Variants in SLC24A2 observed in about 807,000 individuals in gnomAD.
SLC24A2 encodes the protein solute carrier family 24 member 2.
Under a neutral mutation model 62.0 loss-of-function variants are expected in SLC24A2, and 36 were observed. The observed-to-expected ratio is 0.58, with a 90% CI of 0.44 to 0.77. The LOEUF (loss-of-function observed/expected upper bound fraction) is 0.77. Ranked by LOEUF, SLC24A2 falls within the 30% of genes least tolerant of loss-of-function variation. SLC24A2 has a pLI of 0.00. For synonymous variants in SLC24A2, 358 were observed against 294.0 expected (o/e 1.22, Z -2.23); for missense variants, 846 against 817.9 (o/e 1.03, Z -0.42).
intron 2 of SLC24A2, among the ~76,000 whole-genome samples, chr9:19,736,856 G>C (rs558834604): frequency 2.6e-5 from 4 of 151,998 alleles, no homozygotes; most frequent in African/African-American, 4.8e-5. Flanking sequence ...TGTCTTAAAA[G>C]AAATAATCTT....
chr9:20,034,444 CTTTTAAG>C, the SLC24A2 span, among the ~76,000 whole-genome samples: 1 of 144,550 alleles, frequency 6.9e-6, no homozygotes, highest in South Asian at 2.2e-4. Context: ...ACACTCTGGC[CTTTTAAG>C]TTTTTTTTTT....
chr9:20,297,872 A>G, the SLC24A2 span, among the ~76,000 whole-genome samples: 10 of 152,254 alleles, frequency 6.6e-5, no homozygotes, highest in South Asian at 1.2e-3. Flanking sequence ...CATCTCCCCA[A>G]CTTTGGCAAA....
At chr9:20,118,498 G>A in the SLC24A2 span, among the ~76,000 whole-genome samples, 1 of 152,036 alleles carries the variant, frequency 6.6e-6, no homozygotes, top group South Asian at 2.1e-4. Context: ...GGACATTGTG[G>A]ATTCACTTCT....
chr9:20,031,748 C>A, the SLC24A2 span, among the ~76,000 whole-genome samples: 1 of 152,088 alleles, frequency 6.6e-6, no homozygotes, highest in African/African-American at 2.4e-5. Flanking sequence ...GCTGGTCAGC[C>A]CCAATCCTGA....
the SLC24A2 span, among the ~76,000 whole-genome samples, chr9:20,066,466 A>G: frequency 6.6e-6 from 1 of 152,206 alleles, no homozygotes; most frequent in Non-Finnish European, 1.5e-5. Flanking sequence ...CATCTTCTGA[A>G]TTATTCAACT....
At chr9:19,993,928 G>A in the SLC24A2 span, among the ~76,000 whole-genome samples, 1 of 152,186 alleles carries the variant, frequency 6.6e-6, no homozygotes, top group Non-Finnish European at 1.5e-5. Flanking sequence ...CCCAGTTATT[G>A]AGACCCCACT....
chr9:20,284,436 C>T, the SLC24A2 span, among the ~76,000 whole-genome samples: 3 of 152,158 alleles, frequency 2.0e-5, no homozygotes, highest in Middle Eastern at 3.4e-3. Context: ...CACAACCATG[C>T]GCAGCTCAGG....
At chr9:20,024,938 ATCT>A in the SLC24A2 span, among the ~76,000 whole-genome samples, 19 of 152,156 alleles carry the variant, frequency 1.2e-4, no homozygotes, top group Non-Finnish European at 2.6e-4. Flanking sequence ...CCATCTGGTC[ATCT>A]TCTTGTTCAA....
chr9:20,216,131 C>A, the SLC24A2 span, among the ~76,000 whole-genome samples: 2 of 152,142 alleles, frequency 1.3e-5, no homozygotes, highest in Non-Finnish European at 2.9e-5. Context: ...ATTTCCCTTG[C>A]AATATTAGCT....
the SLC24A2 span, among the ~76,000 whole-genome samples, chr9:20,044,976 G>A: frequency 1.3e-5 from 2 of 152,088 alleles, no homozygotes; most frequent in African/African-American, 4.8e-5. Context: ...GGGACCATTT[G>A]AGAGCAGGAA....
Position 19,572,391 on chromosome 9 carries a change from C to T in SLC24A2, c.1347+960G>A, listed in dbSNP as rs115300873. Among the ~76,000 whole-genome samples, 1,355 of 152,194 alleles carry T rather than the reference C, an allele frequency of 8.9e-3. 20 individuals carry two copies. The highest frequency in any genetic ancestry group is 0.03 in the African/African-American group (1,248 of 41,508). The stretch of plus-strand genomic sequence containing the variant: ...CAAATCTCATCTCAAATTGTAATCC[C>T]CATATGTTGCGGGGAGGAGCCTGGT... On this transcript the variant is annotated intron_variant, in intron 7 of 10. Coordinates refer to ENST00000341998, the MANE Select transcript of SLC24A2 (RefSeq NM_020344.4).
intron 5 of SLC24A2, among the ~76,000 whole-genome samples, chr9:19,580,031 T>C (rs1836154787): frequency 2.0e-5 from 3 of 152,250 alleles, no homozygotes; most frequent in Admixed American, 2.0e-4. Flanking sequence ...GACTGCATGT[T>C]ACTCTTTTCC....
At chr9:19,962,913 T>G in the SLC24A2 span, among the ~76,000 whole-genome samples, 25 of 152,282 alleles carry the variant, frequency 1.6e-4, no homozygotes, top group Admixed American at 8.5e-4. Flanking sequence ...GGAGTGGTGA[T>G]AGAGGGCATC....
intron 4 of SLC24A2, among the ~76,000 whole-genome samples, chr9:19,619,373 C>T (rs1290612365): frequency 6.6e-6 from 1 of 152,192 alleles, no homozygotes; most frequent in Non-Finnish European, 1.5e-5. Context: ...ACACGGACCT[C>T]ACATCCTACT....
chr9:19,508,283 A>AT lies in SLC24A2; in HGVS notation c.*7869_*7870insA, dbSNP rs1263321952. 1 of 152,186 alleles carries AT rather than the reference A, an allele frequency of 6.6e-6. No homozygotes were observed. The highest frequency in any genetic ancestry group is 2.4e-5 in the African/African-American group (1 of 41,432). 9.4% of individuals were successfully genotyped at this position (152,186 alleles called of 1,614,324 possible). On this transcript the variant is annotated 3_prime_UTR_variant, in exon 11 of 11. Coordinates refer to ENST00000341998, the MANE Select transcript of SLC24A2 (RefSeq NM_020344.4). Reference sequence around the variant, plus strand: ...TCCGAATAGAGTCTCAGCCCTTTAGAGAAACTCTTCAGACCACAAAACAGC... The same window carrying AT: ...TCCGAATAGAGTCTCAGCCCTTTAGATGAAACTCTTCAGACCACAAAACAGC...
chr9:19,866,312 A>G, the SLC24A2 span, among the ~76,000 whole-genome samples: 1 of 152,216 alleles, frequency 6.6e-6, no homozygotes, highest in Non-Finnish European at 1.5e-5. Flanking sequence ...AAAACTAAAA[A>G]TAGAACTAGC....
At chr9:20,061,460 T>A in the SLC24A2 span, among the ~76,000 whole-genome samples, 2 of 152,080 alleles carry the variant, frequency 1.3e-5, no homozygotes, top group South Asian at 2.1e-4. Context: ...CTAATTTTTG[T>A]ATTTTTAGTA....
chr9:19,994,110 C>G, the SLC24A2 span, among the ~76,000 whole-genome samples: 1 of 152,164 alleles, frequency 6.6e-6, no homozygotes, highest in Non-Finnish European at 1.5e-5. Flanking sequence ...TCCAGGTGAG[C>G]TGCTGTTTCC....
chr9:19,683,027 C>G (rs890377859), intron 2 of SLC24A2, among the ~76,000 whole-genome samples: 2 of 151,996 alleles, frequency 1.3e-5, no homozygotes, highest in Non-Finnish European at 2.9e-5. Context: ...AGGGACCCAC[C>G]GTGAAAAATC....
Sources: gnomAD v4.1 joint callset for allele counts (sites outside exome capture counted in the v4.1 genomes callset) on GRCh38, gnomAD v4.1.1 for gene constraint, MANE v1.5 for transcripts, NCBI Gene and HGNC (gene_info 2026-07-23, HGNC 2026-07-21) for gene names.